Variants in TMEM87B observed in about 807,000 individuals in gnomAD.
The protein encoded by TMEM87B is transmembrane protein 87B.
TMEM87B carries 83 observed loss-of-function variants against 80.3 expected under a neutral mutation model. The observed-to-expected ratio is 1.03, with a 90% CI of 0.87 to 1.24. The LOEUF is 1.24. TMEM87B is among the 50% of genes most tolerant of loss of function. TMEM87B has a pLI of 0.00. For missense variants in TMEM87B, 625 were observed against 674.4 expected (o/e 0.93, Z 0.81); for synonymous variants, 219 against 230.5 (o/e 0.95, Z 0.45).
chr2:112,108,066 A>G (rs2104505647), intron 17 of TMEM87B, among the ~76,000 whole-genome samples: 1 of 152,056 alleles, frequency 6.6e-6, no homozygotes, highest in East Asian at 1.9e-4. Flanking sequence ...CCTCTAACCA[A>G]CTCTAGCTTT....
chr2:112,088,605 G>A (rs1679213101), intron 9 of TMEM87B, among the ~76,000 whole-genome samples: 1 of 151,970 alleles, frequency 6.6e-6, no homozygotes, highest in East Asian at 1.9e-4. Context: ...ACTCTGAGAG[G>A]AGGGTTTTTG....
chr2:112,061,887 A>G (rs1678269660), intron 2 of TMEM87B, among the ~76,000 whole-genome samples: 2 of 152,198 alleles, frequency 1.3e-5, no homozygotes, highest in Non-Finnish European at 2.9e-5. Context: ...GTTTTCTTGA[A>G]CCATGACCAC....
chr2:112,065,489 T>TA (rs1678397935), intron 3 of TMEM87B, among the ~76,000 whole-genome samples: 1 of 151,488 alleles, frequency 6.6e-6, no homozygotes, highest in South Asian at 2.1e-4. Context: ...TACAAAAAAT[T>TA]AAAAAATTAG....
intron 3 of TMEM87B, among the ~76,000 whole-genome samples, chr2:112,065,914 A>C (rs1678420698): frequency 6.6e-6 from 1 of 152,138 alleles, no homozygotes. Flanking sequence ...ATGTTTATTC[A>C]TGATCAGATT....
At chr2:112,084,528 C>T (rs568293565) in intron 8 of TMEM87B, among the ~76,000 whole-genome samples, 1 of 152,344 alleles carries the variant, frequency 6.6e-6, no homozygotes, top group Admixed American at 6.5e-5. Flanking sequence ...CATGATACTG[C>T]CAGGAGACCT....
chr2:112,095,733 T>G (rs567607179), intron 11 of TMEM87B, among the ~76,000 whole-genome samples: 1 of 152,324 alleles, frequency 6.6e-6, no homozygotes, highest in East Asian at 1.9e-4. Context: ...AGTACTAAAA[T>G]GAAGTTTTTT....
At chr2:112,109,091 C>T (rs1221262299) in intron 17 of TMEM87B, among the ~76,000 whole-genome samples, 1 of 152,116 alleles carries the variant, frequency 6.6e-6, no homozygotes, top group Admixed American at 6.6e-5. Flanking sequence ...ATATATTTAA[C>T]TATGGAATTC....
chr2:112,076,164 A>G (rs1255815569), intron 5 of TMEM87B, among the ~76,000 whole-genome samples: 1 of 152,094 alleles, frequency 6.6e-6, no homozygotes, highest in Non-Finnish European at 1.5e-5. Context: ...AGGCACAAGA[A>G]TTGCTTGAAC....
intron 3 of TMEM87B, among the ~76,000 whole-genome samples, 199 bp from the exon 4 acceptor site, chr2:112,066,737 T>C (rs1678448038): frequency 1.3e-5 from 2 of 152,220 alleles, no homozygotes; most frequent in African/African-American, 4.8e-5. Context: ...CACACTGGAA[T>C]GGCTAAAAGG....
intron 8 of TMEM87B, among the ~76,000 whole-genome samples, chr2:112,085,752 A>G (rs1488989971): frequency 1.3e-5 from 2 of 152,242 alleles, no homozygotes; most frequent in African/African-American, 2.4e-5. Context: ...TCAGGGAGAC[A>G]GTGTTCGGGC....
chr2:112,067,026 T>G lies in TMEM87B; in HGVS notation c.409T>G (p.Leu137Val). ...CTGTTGGACAACAAAAAATGAAAAC[T>G]TAGATTGCAACAGTGATTCACAGGT... ...DNCWTTKNEN[L>V]DCNSDSQVFP... The change falls in exon 4 of 19, where the codon TTA becomes GTA. Residue 137 changes from leucine (L) to valine (V), a missense_variant. Coordinates refer to ENST00000283206, the MANE Select transcript of TMEM87B (RefSeq NM_032824.3). 1 of 1,611,770 alleles carries G rather than the reference T, an allele frequency of 6.2e-7. No individual in the cohort carries two copies. Among genetic ancestry groups the G allele is most frequent in the Non-Finnish European group, 8.5e-7 (1 of 1,179,426 alleles).
intron 1 of TMEM87B, among the ~76,000 whole-genome samples, chr2:112,057,646 G>T (rs941558977): frequency 1.3e-5 from 2 of 152,160 alleles, no homozygotes; most frequent in Admixed American, 1.3e-4. Context: ...ATGTTAGACT[G>T]GTCATTGCTG....
intron 1 of TMEM87B, among the ~76,000 whole-genome samples, chr2:112,056,026 T>C (rs1463027876): frequency 6.6e-6 from 1 of 152,090 alleles, no homozygotes; most frequent in Non-Finnish European, 1.5e-5. Context: ...AGGGTCACCA[T>C]GCCCGACGCC....
At position 112,112,947 on chromosome 2, in the gene TMEM87B, A is replaced by G. The variant is rs549890948; in HGVS notation, c.1608+18A>G. 1.0e-4 allele frequency: 167 copies of G among 1,608,942 alleles called. No individual in the cohort carries two copies. In the South Asian group the frequency reaches 1.6e-3, roughly 16 times the overall value. On this transcript the variant is annotated intron_variant, in intron 18 of 18. Coordinates refer to ENST00000283206, the MANE Select transcript of TMEM87B (RefSeq NM_032824.3). ...CAGATGAGGTAAAATATATTTTTGC[A>G]TATTTCCTTGGAGCTGATATTTTCA...
intron 4 of TMEM87B, among the ~76,000 whole-genome samples, chr2:112,071,986 C>T (rs1678654075): frequency 6.6e-6 from 1 of 152,172 alleles, no homozygotes; most frequent in East Asian, 1.9e-4. Context: ...GAGTTTTTAA[C>T]ATGAAAGGAT....
intron 3 of TMEM87B, among the ~76,000 whole-genome samples, chr2:112,065,704 GC>G (rs1389591439): frequency 6.7e-6 from 1 of 148,258 alleles, no homozygotes; most frequent in Non-Finnish European, 1.5e-5. Flanking sequence ...TAGAGCAGGC[GC>G]CCCCGCTCCC....
intron 3 of TMEM87B, among the ~76,000 whole-genome samples, chr2:112,065,374 G>A (rs147961360): frequency 5.7e-4 from 86 of 152,108 alleles, no homozygotes; most frequent in African/African-American, 2.0e-3. Flanking sequence ...AACTGGGCAG[G>A]GTGGGTCACA....
intron 6 of TMEM87B, among the ~76,000 whole-genome samples, chr2:112,079,462 G>C (rs1407605275): frequency 6.6e-6 from 1 of 152,156 alleles, no homozygotes; most frequent in Non-Finnish European, 1.5e-5. Context: ...TTTAAAGGCT[G>C]AATAGTATTT....
chr2:112,099,151 C>G (rs1679556172), intron 14 of TMEM87B, among the ~76,000 whole-genome samples: 2 of 152,144 alleles, frequency 1.3e-5, no homozygotes, highest in Admixed American at 1.3e-4. Flanking sequence ...GTACTTGAGA[C>G]TGCATGTGAT....
Sources: gnomAD v4.1 joint callset for allele counts (sites outside exome capture counted in the v4.1 genomes callset) on GRCh38, gnomAD v4.1.1 for gene constraint, MANE v1.5 for transcripts, NCBI Gene and HGNC (gene_info 2026-07-23, HGNC 2026-07-21) for gene names.